Variants in TLE4 observed in about 807,000 individuals in gnomAD.
TLE4 encodes TLE family member 4, transcriptional corepressor, also known as transducin-like enhancer protein 4.
TLE4 carries 8 observed loss-of-function variants against 92.8 expected under a neutral mutation model. The ratio of observed to expected loss-of-function variants is 0.09; its 90% CI spans 0.05 to 0.16. The LOEUF (loss-of-function observed/expected upper bound fraction) is 0.16, where lower values mean the gene tolerates loss of function less well. Among genes scored for constraint, TLE4 ranks in the 10% least tolerant of loss-of-function variants. The probability of loss-of-function intolerance (pLI) is 1.00; values close to 1 mark genes in which losing one functional copy is unlikely to be tolerated. For synonymous variants in TLE4, 371 were observed against 374.1 expected, an observed-to-expected ratio of 0.99 and a Z score of 0.10; for missense variants, 675 against 997.6, an observed-to-expected ratio of 0.68 and a Z score of 4.36.
At chr9:79,635,680 T>C (rs1032574787) in intron 6 of TLE4, among the ~76,000 whole-genome samples, 1 of 151,948 alleles carries the variant, frequency 6.6e-6, no homozygotes, top group East Asian at 1.9e-4. Flanking sequence ...TTGTTGAAAA[T>C]CAATTAACCT....
intron 6 of TLE4, among the ~76,000 whole-genome samples, chr9:79,642,148 A>T (rs756721031): frequency 2.0e-5 from 3 of 152,068 alleles, no homozygotes; most frequent in Non-Finnish European, 4.4e-5. Context: ...TCTGAGGTTC[A>T]TTCCACCTCT....
chr9:79,714,701 A>G lies in TLE4; in HGVS notation c.1341-4021A>G, dbSNP rs543338099. ...TTCTGTACTTTTCTCTCATCATGCT[A>G]ACTAGATTGTTAGTCACTTGTGGGC... On this transcript the variant is annotated intron_variant, in intron 14 of 19. Transcript: ENST00000376552. Among the ~76,000 whole-genome samples, 204 of 152,296 alleles carry G rather than the reference A, an allele frequency of 1.3e-3. 2 individuals are homozygous for G. In the South Asian group the frequency reaches 0.021, roughly 15 times the overall value.
At position 79,680,907 on chromosome 9, in the gene TLE4, T is replaced by C. The variant is rs915512868; in HGVS notation, c.610-23876T>C. On this transcript the variant is annotated intron_variant, in intron 8 of 19. Coordinates refer to ENST00000376552, the MANE Select transcript of TLE4 (RefSeq NM_007005.6). ...AATCATGTGGTTTTTGTCTGTGGTT[T>C]TGTTTATATGCTGGATTACATTTAT... Among the ~76,000 whole-genome samples the C allele has an allele frequency of 7.2e-5, 11 of 152,246 alleles. No homozygotes were observed. In the East Asian group the frequency reaches 2.1e-3, roughly 29 times the overall value.
chr9:79,713,062 A>G (rs1258190608), intron 14 of TLE4, among the ~76,000 whole-genome samples: 1 of 152,212 alleles, frequency 6.6e-6, no homozygotes, highest in Non-Finnish European at 1.5e-5. Flanking sequence ...TTAGAACAGA[A>G]TTTTCTATCG....
chr9:79,720,546 C>A (rs1035538038), intron 16 of TLE4, among the ~76,000 whole-genome samples: 2 of 151,932 alleles, frequency 1.3e-5, no homozygotes, highest in Admixed American at 6.6e-5. Context: ...AAAATGAGGT[C>A]TTTTTTCCTT....
chr9:79,705,796 T>C, intron 9 of TLE4, 93 bp from the exon 10 acceptor site: 2 of 1,246,774 alleles, frequency 1.6e-6, no homozygotes, highest in Non-Finnish European at 2.4e-6. Context: ...AGCTCATCTT[T>C]ATAAGATATG....
intron 6 of TLE4, among the ~76,000 whole-genome samples, chr9:79,633,010 T>G (rs1465657202): frequency 6.6e-6 from 1 of 152,176 alleles, no homozygotes; most frequent in Non-Finnish European, 1.5e-5. Context: ...CATTCTTTCT[T>G]CTTTATCTTC....
At chr9:79,625,299 G>A (rs1050671218) in intron 5 of TLE4, among the ~76,000 whole-genome samples, 3 of 152,030 alleles carry the variant, frequency 2.0e-5, no homozygotes, top group Admixed American at 6.5e-5. Flanking sequence ...GATTACAGGC[G>A]TGAGCCACCG....
chr9:79,575,907 G>A (rs1372877340), intron 3 of TLE4: 2 of 361,760 alleles, frequency 5.5e-6, no homozygotes, highest in Non-Finnish European at 9.9e-6. Flanking sequence ...AGAATGCTGT[G>A]TTTGAATTTA....
chr9:79,693,764 A>G, intron 8 of TLE4: 1 of 403,368 alleles, frequency 2.5e-6, no homozygotes, highest in Non-Finnish European at 4.8e-6. Flanking sequence ...AACCATATTT[A>G]GTATTAAATA....
At chr9:79,592,263 C>T (rs1340992096) in intron 4 of TLE4, among the ~76,000 whole-genome samples, 1 of 135,820 alleles carries the variant, frequency 7.4e-6, no homozygotes, top group Non-Finnish European at 1.6e-5. Context: ...TTTCTTCTTT[C>T]TTCTTCTTCT....
intron 11 of TLE4, 180 bp downstream of exon 11, chr9:79,707,079 G>C: frequency 6.3e-7 from 1 of 1,595,392 alleles, no homozygotes; most frequent in Non-Finnish European, 8.6e-7. Context: ...TTACTAACTT[G>C]TTGGTGATGA....
chr9:79,653,000 G>A (rs2134219444), intron 7 of TLE4: 3 of 682,122 alleles, frequency 4.4e-6, no homozygotes, highest in Non-Finnish European at 8.1e-6. Flanking sequence ...CTCCCTAGAG[G>A]CAGAGGGGCC....
Position 79,722,945 on chromosome 9 carries a change from C to T in TLE4, c.2138-14C>T, listed in dbSNP as rs1183861388. 1 of 1,613,316 alleles carries T rather than the reference C, an allele frequency of 6.2e-7. No individual in the cohort carries two copies. ...AACACAAACATTGCCTTTTTCAAAA[C>T]CCTTTACCTATAGGCAAATGGTTTG... On this transcript the variant is annotated splice_polypyrimidine_tract_variant and intron_variant, in intron 18 of 19. Coordinates refer to ENST00000376552, the MANE Select transcript of TLE4 (RefSeq NM_007005.6).
intron 14 of TLE4, among the ~76,000 whole-genome samples, chr9:79,710,049 A>T (rs914077966): frequency 3.3e-5 from 5 of 152,232 alleles, no homozygotes; most frequent in Admixed American, 6.5e-5. Context: ...GGGAAAAGAC[A>T]TGCCAAACCT....
chr9:79,719,047 T>C, intron 15 of TLE4, 76 bp downstream of exon 15: 2 of 1,540,694 alleles, frequency 1.3e-6, no homozygotes, highest in Non-Finnish European at 1.8e-6. Flanking sequence ...ACTGTATGTA[T>C]GAGCAACACC....
intron 4 of TLE4, among the ~76,000 whole-genome samples, chr9:79,609,706 T>C (rs2047933104): frequency 6.6e-6 from 1 of 152,080 alleles, no homozygotes; most frequent in Non-Finnish European, 1.5e-5. Context: ...GGCAATAGTT[T>C]AGCAGTGTCC....
rs1229456435 is a variant in TLE4 at position 79,708,503 on chromosome 9, C to T, written c.1070-90C>T. On this transcript the variant is annotated intron_variant, in intron 12 of 19. Transcript: ENST00000376552. ...GAATATTAAAATAAGCTCATTTGAA[C>T]CATAGATTCTATTTTGTGACATGTT... is the stretch of plus-strand genomic sequence containing the variant. 3.1e-6 allele frequency: 4 copies of T among 1,284,590 alleles called. No homozygotes were observed. In the African/African-American group the frequency reaches 4.5e-5, roughly 14 times the overall value. The allele number at this position is 1,284,590 out of a possible 1,614,324, so 79.6% of individuals were successfully genotyped here.
chr9:79,662,775 G>A (rs2060733609), intron 8 of TLE4, among the ~76,000 whole-genome samples: 1 of 152,260 alleles, frequency 6.6e-6, no homozygotes, highest in East Asian at 1.9e-4. Flanking sequence ...GCTGGTTGTC[G>A]CATAAAGGAG....
Sources: gnomAD v4.1 joint callset for allele counts (sites outside exome capture counted in the v4.1 genomes callset) on GRCh38, gnomAD v4.1.1 for gene constraint, MANE v1.5 for transcripts, NCBI Gene and HGNC (gene_info 2026-07-23, HGNC 2026-07-21) for gene names.